Variants in CIMIP7 observed in about 807,000 individuals in gnomAD.
CIMIP7 encodes the protein uncharacterized protein C3orf84.
chr3:49,188,246 C>G, the CIMIP7 span, among the ~76,000 whole-genome samples: 1 of 152,204 alleles, frequency 6.6e-6, no homozygotes, highest in Non-Finnish European at 1.5e-5. Flanking sequence ...CCTTCAGGAC[C>G]CTGGTCTCAG....
At chr3:49,181,222 A>G in the CIMIP7 span, among the ~76,000 whole-genome samples, 1 of 150,370 alleles carries the variant, frequency 6.7e-6, no homozygotes, top group Non-Finnish European at 1.5e-5. Context: ...GGCGCCTGTA[A>G]TCCCAGCTAC....
chr3:49,191,721 G>A, the CIMIP7 span: 1 of 1,595,264 alleles, frequency 6.3e-7, no homozygotes, highest in Non-Finnish European at 8.5e-7. Context: ...CAGGGGCCAG[G>A]ATTAACATAA....
chr3:49,181,947 G>A, the CIMIP7 span, among the ~76,000 whole-genome samples: 1 of 152,188 alleles, frequency 6.6e-6, no homozygotes, highest in Non-Finnish European at 1.5e-5. Context: ...TCCTTCTGGT[G>A]GGTTCGTGGT....
the CIMIP7 span, among the ~76,000 whole-genome samples, chr3:49,186,091 C>T: frequency 1.3e-5 from 2 of 151,608 alleles, no homozygotes; most frequent in African/African-American, 4.9e-5. Flanking sequence ...ACCTCCGCCT[C>T]CCGGGTTCGA....
At chr3:49,191,640 T>C in the CIMIP7 span, 1 of 1,309,096 alleles carries the variant, frequency 7.6e-7, no homozygotes, top group Non-Finnish European at 1.1e-6. Context: ...CTATTCCAGG[T>C]TGGATGCCAA....
At chr3:49,187,393 T>C in the CIMIP7 span, among the ~76,000 whole-genome samples, 1 of 152,096 alleles carries the variant, frequency 6.6e-6, no homozygotes, top group Non-Finnish European at 1.5e-5. Flanking sequence ...GTGGGAGGGC[T>C]AAGGGCCCCT....
the CIMIP7 span, chr3:49,177,767 G>A: frequency 6.2e-7 from 1 of 1,610,266 alleles, no homozygotes; most frequent in Non-Finnish European, 8.5e-7. Flanking sequence ...GGCGCCTGGG[G>A]CCCTACCTTG....
At chr3:49,181,891 G>A in the CIMIP7 span, among the ~76,000 whole-genome samples, 1 of 152,200 alleles carries the variant, frequency 6.6e-6, no homozygotes, top group Non-Finnish European at 1.5e-5. Context: ...AAGGCGGCAT[G>A]TCCGGAGTTT....
the CIMIP7 span, chr3:49,189,866 C>G: frequency 1.3e-6 from 1 of 759,256 alleles, no homozygotes; most frequent in South Asian, 1.4e-5. Context: ...TCCACCCTGT[C>G]TGTAGGGGAA....
the CIMIP7 span, among the ~76,000 whole-genome samples, chr3:49,183,692 A>C: frequency 6.6e-6 from 1 of 152,190 alleles, no homozygotes; most frequent in African/African-American, 2.4e-5. Context: ...TAAACATGCA[A>C]CTACCACATG....
chr3:49,190,271 A>C, the CIMIP7 span: 1 of 617,568 alleles, frequency 1.6e-6, no homozygotes, highest in Non-Finnish European at 2.8e-6. Context: ...CAGAATAGAA[A>C]GAATCTAAGG....
At chr3:49,186,699 A>C in the CIMIP7 span, among the ~76,000 whole-genome samples, 1 of 152,168 alleles carries the variant, frequency 6.6e-6, no homozygotes, top group Non-Finnish European at 1.5e-5. Flanking sequence ...CACCGCACCC[A>C]GCCTATAGCC....
At chr3:49,177,750 A>G in the CIMIP7 span, 2 of 1,609,698 alleles carry the variant, frequency 1.2e-6, no homozygotes, top group Non-Finnish European at 1.7e-6. Context: ...GCAGTACGTC[A>G]GTGACCGGCG....
chr3:49,177,813 G>C, the CIMIP7 span: 1 of 1,612,744 alleles, frequency 6.2e-7, no homozygotes, highest in African/African-American at 1.3e-5. Flanking sequence ...ATGGGCAGCA[G>C]AAGTTCTGCT....
At chr3:49,182,150 G>C in the CIMIP7 span, among the ~76,000 whole-genome samples, 3 of 152,220 alleles carry the variant, frequency 2.0e-5, no homozygotes, top group African/African-American at 7.2e-5. Context: ...GCAGCAGCAA[G>C]ATTTATTGCA....
At chr3:49,182,327 A>G in the CIMIP7 span, among the ~76,000 whole-genome samples, 1 of 152,272 alleles carries the variant, frequency 6.6e-6, no homozygotes, top group South Asian at 2.1e-4. Context: ...TGCGTTTACA[A>G]TCCCTGAGCT....
At chr3:49,187,462 A>AT in the CIMIP7 span, among the ~76,000 whole-genome samples, 1 of 152,150 alleles carries the variant, frequency 6.6e-6, no homozygotes, top group African/African-American at 2.4e-5. Flanking sequence ...GAGGGATGGG[A>AT]TGGCAGCAAG....
the CIMIP7 span, among the ~76,000 whole-genome samples, chr3:49,183,920 C>T: frequency 6.6e-6 from 1 of 152,204 alleles, no homozygotes; most frequent in South Asian, 2.1e-4. Context: ...TATTGATACA[C>T]ACAATAATTT....
chr3:49,186,352 C>T, the CIMIP7 span, among the ~76,000 whole-genome samples: 4 of 152,038 alleles, frequency 2.6e-5, no homozygotes, highest in Non-Finnish European at 5.9e-5. Context: ...ATTCTCCTGC[C>T]TCAGCCTCCT....
Sources: allele counts gnomAD v4.1 joint callset (sites outside exome capture counted in the v4.1 genomes callset), GRCh38; gene constraint gnomAD v4.1.1; transcripts MANE v1.5; gene names NCBI Gene and HGNC (gene_info 2026-07-23, HGNC 2026-07-21).